ATXN1: variants seen among roughly 807,000 people sequenced by gnomAD.
ATXN1 encodes ataxin 1, also known as ataxin-1.
A neutral mutation model predicts 56.4 loss-of-function variants in ATXN1; 8 were observed. The ratio of observed to expected loss-of-function variants is 0.14; its 90% CI spans 0.08 to 0.26. ATXN1 has a LOEUF of 0.26. ATXN1 is among the 10% of genes least tolerant of loss of function. The pLI is 1.00. For missense variants in ATXN1, 987 were observed against 1,106.5 expected (o/e 0.89, Z 1.53); for synonymous variants, 514 against 494.6 (o/e 1.04, Z -0.52).
chr6:16,570,496 G>A (rs236957), intron 4 of ATXN1, among the ~76,000 whole-genome samples: 1,776 of 152,206 alleles, frequency 0.012, 25 homozygotes, highest in African/African-American at 0.04. Flanking sequence ...TAGGACCCAC[G>A]TAGATTAGGG....
chr6:16,650,353 CAG>C (rs1763872659), intron 3 of ATXN1, among the ~76,000 whole-genome samples: 1 of 152,196 alleles, frequency 6.6e-6, no homozygotes. Context: ...TTATCAGGAG[CAG>C]AAAGCTAACA....
chr6:16,541,467 G>T (rs1377139582), intron 4 of ATXN1, among the ~76,000 whole-genome samples: 1 of 152,174 alleles, frequency 6.6e-6, no homozygotes, highest in South Asian at 2.1e-4. Context: ...CCCGAGGGCT[G>T]ATCACTGGAA....
chr6:16,412,694 G>A (rs902953845), intron 6 of ATXN1, among the ~76,000 whole-genome samples: 2 of 151,960 alleles, frequency 1.3e-5, no homozygotes, highest in African/African-American at 4.8e-5. Context: ...AAATTTGAAG[G>A]GTACGCAAAA....
In ATXN1 at chr6:16,610,845, G is replaced by A. The variant is rs373561907; in HGVS notation, c.-488-24938C>T. Among the ~76,000 whole-genome samples the A allele has an allele frequency of 6.3e-5, 9 of 143,450 alleles. No homozygotes were observed. In the South Asian group the frequency reaches 6.9e-4, roughly 11 times the overall value. 94.1% of individuals were successfully genotyped at this position (143,450 alleles called of 152,430 possible). ...TTAAAACCACCCGGGACAACACATC[G>A]AGACGTCATCTATAAAAAAAAAAAA... On this transcript the variant is annotated intron_variant, in intron 3 of 7. Transcript: ENST00000436367.
In ATXN1 at chr6:16,326,623, G is replaced by A. The variant is rs368554516; in HGVS notation, c.1688C>T (p.Pro563Leu). The A allele has an allele frequency of 1.1e-5, 17 of 1,613,828 alleles. No homozygotes were observed. In the South Asian group the frequency reaches 1.3e-4, roughly 13 times the overall value. Residue 563 changes from proline (P) to leucine (L), a missense_variant, in exon 7 of 8, where the codon CCG becomes CTG. Physicochemically the swap from Pro to Leu is moderately conservative, Grantham distance 98. Around this residue, in one of 3 missense-constraint regions of ATXN1, gnomAD observed 723 missense variants for 791.7 expected, o/e 0.91. Transcript: ENST00000436367. The surrounding 1 kb of genome is among the most constrained non-coding windows in gnomAD (Gnocchi z 6.6). Reference sequence around the variant, plus strand: ...AGGCAGCGTAGGGGGAGCCGCCGCCGGGGAGGCCACGGACTGCACCACAGG... The same window carrying A: ...AGGCAGCGTAGGGGGAGCCGCCGCCAGGGAGGCCACGGACTGCACCACAGG... ...HLPVVQSVASPAAAPPTLPPY... is the reference protein window; with the variant it reads ...HLPVVQSVASLAAAPPTLPPY...
chr6:16,539,422 G>T (rs1392387052), intron 4 of ATXN1, among the ~76,000 whole-genome samples: 1 of 152,142 alleles, frequency 6.6e-6, no homozygotes, highest in Admixed American at 6.5e-5. Flanking sequence ...AGTCATGGCA[G>T]TGACTGTATT....
chr6:16,608,074 A>G (rs1010161394), intron 3 of ATXN1, among the ~76,000 whole-genome samples: 1 of 152,218 alleles, frequency 6.6e-6, no homozygotes, highest in African/African-American at 2.4e-5. Context: ...GCTGAATGAC[A>G]TTGGAGTGGG....
At chr6:16,382,300 A>G (rs1273494584) in intron 6 of ATXN1, among the ~76,000 whole-genome samples, 1 of 117,162 alleles carries the variant, frequency 8.5e-6, no homozygotes, top group Admixed American at 8.0e-5. Flanking sequence ...ATTCCATCTC[A>G]AAAAAAAAAA....
chr6:16,606,615 G>A (rs1028436256), intron 3 of ATXN1, among the ~76,000 whole-genome samples: 4 of 151,458 alleles, frequency 2.6e-5, no homozygotes, highest in South Asian at 2.1e-4. Flanking sequence ...TGTGACCTCC[G>A]ACTCCTGGGT....
intron 3 of ATXN1, among the ~76,000 whole-genome samples, chr6:16,657,281 C>T (rs1487246568): frequency 3.3e-5 from 5 of 152,164 alleles, no homozygotes; most frequent in Admixed American, 6.5e-5. Flanking sequence ...GCCACCACAC[C>T]CAGCCCAGTA....
chr6:16,514,969 G>A (rs1464221124), intron 5 of ATXN1, among the ~76,000 whole-genome samples: 1 of 151,440 alleles, frequency 6.6e-6, no homozygotes, highest in African/African-American at 2.4e-5. Flanking sequence ...GCGACAGAGC[G>A]AGGCTCTGTC....
At chr6:16,501,973 G>T (rs530237697) in intron 5 of ATXN1, among the ~76,000 whole-genome samples, 2 of 152,060 alleles carry the variant, frequency 1.3e-5, no homozygotes, top group Non-Finnish European at 2.9e-5. Context: ...CCACAGCCTC[G>T]CCAGCATCTA....
At chr6:16,566,521 C>A (rs1327835933) in intron 4 of ATXN1, among the ~76,000 whole-genome samples, 1 of 151,984 alleles carries the variant, frequency 6.6e-6, no homozygotes, top group Admixed American at 6.6e-5. Context: ...ACTATAAGCA[C>A]ATCTCACCAT....
intron 7 of ATXN1, among the ~76,000 whole-genome samples, chr6:16,318,447 TGGAA>T (rs1760565799): frequency 6.6e-6 from 1 of 152,186 alleles, no homozygotes; most frequent in Non-Finnish European, 1.5e-5. Flanking sequence ...TCTGCTTTCC[TGGAA>T]GGCTAAGTCT....
At position 16,327,120 on chromosome 6, in the gene ATXN1, C is replaced by T; in HGVS notation, c.1191G>A (p.Val397=). The T allele has an allele frequency of 1.9e-6, 3 of 1,613,590 alleles. No homozygotes were observed. Among genetic ancestry groups the T allele is most frequent in the Non-Finnish European group, 2.5e-6 (3 of 1,180,032 alleles). ...AGGCTTCACGATGAGTGGCCTGTTG[C>T]ACCTCCAGGTCAGCTGCGGGCGTGT... ...NSNTPAADLE[V]QQATHREASP... The change falls in exon 7 of 8, where the codon GTG becomes GTA. Residue 397 remains valine (V), a synonymous_variant. Transcript: ENST00000436367.
In ATXN1 at chr6:16,344,417, G is replaced by C. The variant is rs80336726; in HGVS notation, c.-160-15947C>G. 1.3e-3 allele frequency among the ~76,000 whole-genome samples: 200 copies of C among 152,332 alleles called. 1 individual carries two copies. Among genetic ancestry groups the C allele is most frequent in the African/African-American group, 4.7e-3 (194 of 41,578 alleles). On this transcript the variant is annotated intron_variant, in intron 6 of 7. Coordinates refer to ENST00000436367, the MANE Select transcript of ATXN1 (RefSeq NM_001128164.2). ...TTTGGGTCATGGGCTTGGAGAGGAA[G>C]ACCCACCCTCAATCTGGGTGGGCAC...
intron 7 of ATXN1, among the ~76,000 whole-genome samples, chr6:16,324,665 C>T (rs946753138): frequency 1.3e-5 from 2 of 152,202 alleles, no homozygotes; most frequent in Admixed American, 1.3e-4. Flanking sequence ...CTCTCAGCTG[C>T]AGGCTGAACC....
At chr6:16,668,285 C>A (rs1758472409) in intron 2 of ATXN1, among the ~76,000 whole-genome samples, 1 of 151,824 alleles carries the variant, frequency 6.6e-6, no homozygotes, top group Non-Finnish European at 1.5e-5. Flanking sequence ...TGTTGGTGTG[C>A]TGCAACCATT....
intron 3 of ATXN1, among the ~76,000 whole-genome samples, chr6:16,647,493 A>G (rs1310418686): frequency 1.3e-5 from 2 of 152,182 alleles, no homozygotes; most frequent in Non-Finnish European, 2.9e-5. Flanking sequence ...GAACTACCTA[A>G]GAAAACATAT....
Sources: allele counts gnomAD v4.1 joint callset (sites outside exome capture counted in the v4.1 genomes callset), GRCh38; gene constraint gnomAD v4.1.1; regional missense constraint gnomAD v4.1.1; non-coding constraint Gnocchi (gnomAD v3.1); transcripts MANE v1.5; gene names NCBI Gene and HGNC (gene_info 2026-07-23, HGNC 2026-07-21).